Variants in CKAP5 observed in about 807,000 individuals in gnomAD.
CKAP5 encodes cytoskeleton associated protein 5.
A neutral mutation model predicts 232.8 loss-of-function variants in CKAP5; 27 were observed. That is an observed-to-expected ratio of 0.12 (90% CI 0.09 to 0.16). The LOEUF is 0.16. CKAP5 is among the 10% of genes least tolerant of loss of function. The probability of loss-of-function intolerance (pLI) is 1.00; values close to 1 mark genes in which losing one functional copy is unlikely to be tolerated. For missense variants in CKAP5, 1,838 were observed against 2,424.7 expected, an observed-to-expected ratio of 0.76 and a Z score of 5.08; for synonymous variants, 785 against 841.1, an observed-to-expected ratio of 0.93 and a Z score of 1.16.
chr11:46,808,212 A>G, intron 7 of CKAP5, 68 bp from the exon 8 acceptor site: 1 of 1,010,796 alleles, frequency 9.9e-7, no homozygotes, highest in Non-Finnish European at 1.5e-6. Context: ...TATTTATTGC[A>G]CTCTGCTAAT....
intron 42 of CKAP5, among the ~76,000 whole-genome samples, chr11:46,747,505 G>A (rs1019653491): frequency 2.6e-5 from 4 of 151,882 alleles, no homozygotes; most frequent in Non-Finnish European, 5.9e-5. Flanking sequence ...GGGAAGCTGA[G>A]GCAAGAGAAT....
chr11:46,749,778 C>T (rs978199316), intron 42 of CKAP5, among the ~76,000 whole-genome samples: 1 of 151,688 alleles, frequency 6.6e-6, no homozygotes, highest in Non-Finnish European at 1.5e-5. Flanking sequence ...GGAGAAACCC[C>T]GTCTTTACTA....
chr11:46,767,588 G>A lies in CKAP5; in HGVS notation c.3398C>T (p.Ser1133Phe). The A allele has an allele frequency of 1.2e-6, 2 of 1,610,388 alleles. No homozygotes were observed. Among genetic ancestry groups the A allele is most frequent in the Non-Finnish European group, 1.7e-6 (2 of 1,177,238 alleles). ...DPKKAKAPGL[S>F]SKAKSAQGKK... is the part of the protein sequence containing the mutation. ...GAGTTAACATACCTTTGCTTTAGAG[G>A]ATAATCCTGGAGCTTTGGCCTTTTT... Residue 1133 changes from serine to phenylalanine, a missense_variant, in exon 27 of 44, where the codon TCC becomes TTC. By Grantham distance (155) the Ser-to-Phe change is radical. This residue lies in a region of CKAP5 where 767 missense variants were observed against 954.6 expected (regional missense o/e 0.80). Transcript: ENST00000529230.
intron 16 of CKAP5, among the ~76,000 whole-genome samples, chr11:46,785,487 G>A (rs894722123): frequency 1.3e-5 from 2 of 152,034 alleles, no homozygotes; most frequent in African/African-American, 2.4e-5. Context: ...CCGCCACCAC[G>A]CTTGGCTCAT....
At chr11:46,770,201 G>T (rs2065236090) in intron 25 of CKAP5, 103 bp from the exon 26 acceptor site, 1 of 1,217,840 alleles carries the variant, frequency 8.2e-7, no homozygotes, top group Non-Finnish European at 1.2e-6. Context: ...TGAGCTCCTA[G>T]TTTTGAAATA....
Position 46,751,244 on chromosome 11 carries a change from G to A in CKAP5, c.5334C>T (p.His1778=). The A allele has an allele frequency of 6.2e-7, 1 of 1,614,150 alleles. No individual in the cohort carries two copies. Among genetic ancestry groups the A allele is most frequent in the South Asian group, 1.1e-5 (1 of 91,082 alleles). Residue 1778 remains histidine, a synonymous_variant, in exon 40 of 44, where the codon CAC becomes CAT. Transcript: ENST00000529230. ...CKLKGPKILD[H]LTMIDNKNES... ...CGTTTTTGTTGTCGATCATCGTTAG[G>A]TGGTCCAGGATCTGAGGGAGACACA...
In CKAP5 at chr11:46,764,155, GA is replaced by G. The variant is rs112376106; in HGVS notation, c.3538-526del. Among the ~76,000 whole-genome samples, 497 of 140,330 alleles carry G rather than the reference GA, an allele frequency of 3.5e-3. 2 individuals carry two copies. The highest frequency in any genetic ancestry group is 0.011 in the African/African-American group (416 of 38,322). The allele number at this position is 140,330 out of a possible 152,430, so 92.1% of individuals were successfully genotyped here. On this transcript the variant is annotated intron_variant, in intron 28 of 43. Transcript: ENST00000529230. Reference sequence around the variant, plus strand: ...GCCTGGCCTTGCAATTCTTACTAAAGAAAAAAAAAAAATTAATCCTACATAT... The same window carrying G: ...GCCTGGCCTTGCAATTCTTACTAAAGAAAAAAAAAAATTAATCCTACATAT...
At chr11:46,833,586 C>A (rs1180998596) in intron 1 of CKAP5, among the ~76,000 whole-genome samples, 1 of 149,436 alleles carries the variant, frequency 6.7e-6, no homozygotes, top group Non-Finnish European at 1.5e-5. Context: ...TCACGCCATT[C>A]TCCTGCCTCA....
chr11:46,831,305 C>T (rs1939787072), intron 1 of CKAP5, among the ~76,000 whole-genome samples: 1 of 152,002 alleles, frequency 6.6e-6, no homozygotes, highest in Non-Finnish European at 1.5e-5. Context: ...CTTTTAAAAG[C>T]TTTAAAACTT....
chr11:46,746,922 G>C (rs1354511296), intron 42 of CKAP5, among the ~76,000 whole-genome samples: 1 of 152,168 alleles, frequency 6.6e-6, no homozygotes, highest in Non-Finnish European at 1.5e-5. Flanking sequence ...AGACCAGGAA[G>C]ACCAGGAGTT....
intron 13 of CKAP5, 141 bp from the exon 14 acceptor site, chr11:46,790,724 G>C: frequency 1.6e-6 from 1 of 615,988 alleles, no homozygotes; most frequent in South Asian, 2.1e-5. Flanking sequence ...CTTGCTACAG[G>C]TTCAACCTCC....
At chr11:46,755,098 C>A in intron 35 of CKAP5, 31 bp from the exon 36 acceptor site, 1 of 1,552,290 alleles carries the variant, frequency 6.4e-7, no homozygotes. Flanking sequence ...ATATATTTTC[C>A]AAGCTTCATA....
chr11:46,812,029 CT>C (rs1417762861), intron 4 of CKAP5, among the ~76,000 whole-genome samples: 1 of 152,054 alleles, frequency 6.6e-6, no homozygotes, highest in Non-Finnish European at 1.5e-5. Context: ...TGCATTTTGA[CT>C]TCTTTCAAAA....
chr11:46,762,297 T>G, intron 31 of CKAP5, 104 bp from the exon 32 acceptor site: 3 of 1,171,316 alleles, frequency 2.6e-6, no homozygotes, highest in Non-Finnish European at 3.7e-6. Flanking sequence ...GACTAAAACC[T>G]TACTCTGGCT....
intron 8 of CKAP5, among the ~76,000 whole-genome samples, chr11:46,807,691 A>G (rs1192637171): frequency 6.6e-6 from 1 of 152,234 alleles, no homozygotes; most frequent in African/African-American, 2.4e-5. Context: ...TTCATGTTTA[A>G]TATTTGTCCA....
At position 46,822,740 on chromosome 11, in the gene CKAP5, C is replaced by T. The variant is rs555611903; in HGVS notation, c.-37-1472G>A. On this transcript the variant is annotated intron_variant, in intron 1 of 43. Coordinates refer to ENST00000529230, the MANE Select transcript of CKAP5 (RefSeq NM_001008938.4). ...TCCAGCCTGGGCAACAGACTCCGTC[C>T]CAAAAAAAAAAAAAAAAAAAAAAAG... Among the ~76,000 whole-genome samples the T allele has an allele frequency of 4.5e-3, 335 of 74,104 alleles. 1 individual carries two copies. Among genetic ancestry groups the T allele is most frequent in the African/African-American group, 0.017 (317 of 18,266 alleles). 48.6% of individuals were successfully genotyped at this position (74,104 alleles called of 152,430 possible).
At chr11:46,805,886 G>A (rs1265002721) in intron 8 of CKAP5, among the ~76,000 whole-genome samples, 3 of 152,138 alleles carry the variant, frequency 2.0e-5, no homozygotes, top group African/African-American at 4.8e-5. Flanking sequence ...GCAGTGAGCC[G>A]AGATCGTGCC....
chr11:46,764,996 T>C, intron 28 of CKAP5, 135 bp downstream of exon 28: 1 of 783,732 alleles, frequency 1.3e-6, no homozygotes, highest in East Asian at 2.9e-5. Context: ...TCCCATAAAC[T>C]AAATAATATA....
intron 1 of CKAP5, among the ~76,000 whole-genome samples, chr11:46,837,563 G>A (rs182436908): frequency 1.3e-5 from 2 of 152,236 alleles, no homozygotes; most frequent in Admixed American, 1.3e-4. Context: ...AAGGGAACCA[G>A]GGCACCTTGG....
Sources: allele counts gnomAD v4.1 joint callset (sites outside exome capture counted in the v4.1 genomes callset), GRCh38; gene constraint gnomAD v4.1.1; regional missense constraint gnomAD v4.1.1; transcripts MANE v1.5; gene names NCBI Gene and HGNC (gene_info 2026-07-23, HGNC 2026-07-21).